The following MLF2 variants were observed in gnomAD, a reference collection of about 807,000 sequenced individuals.
The protein encoded by MLF2 is myelodysplasia-myeloid leukemia factor 2.
A neutral mutation model predicts 31.4 loss-of-function variants in MLF2; 12 were observed. The ratio of observed to expected loss-of-function variants is 0.38; its 90% confidence interval spans 0.24 to 0.62. MLF2 has a LOEUF of 0.62. MLF2 is among the 20% of genes least tolerant of loss of function. MLF2 has a pLI of 0.58. For synonymous variants in MLF2, 109 were observed against 118.8 expected, an observed-to-expected ratio of 0.92 and a Z score of 0.54; for missense variants, 272 against 359.7, an observed-to-expected ratio of 0.76 and a Z score of 1.97.
Position 6,749,742 on chromosome 12 carries a change from A to AT in MLF2, c.559+105dup, listed in dbSNP as rs1371616656. On this transcript the variant is annotated intron_variant, in intron 7 of 8. Coordinates refer to ENST00000203630, the MANE Select transcript of MLF2 (RefSeq NM_001382226.1). The surrounding 1 kb of genome is among the most constrained non-coding windows in gnomAD (Gnocchi z 5.3). ...CCATCTCAAAAAAAAAAAAAAAGGAATATGGGGCTGACCCAGAGCTTTGCC... is the reference window on the plus strand; with the variant it reads ...CCATCTCAAAAAAAAAAAAAAAGGAATTATGGGGCTGACCCAGAGCTTTGCC... The AT allele has an allele frequency of 7.1e-7, 1 of 1,414,748 alleles. No individual in the cohort carries two copies. The highest frequency in any genetic ancestry group is 1.5e-5 in the African/African-American group (1 of 68,406). The allele number at this position is 1,414,748 out of a possible 1,614,324, so 87.6% of individuals were successfully genotyped here.
chr12:6,750,012 G>A lies in MLF2; in HGVS notation c.400-5C>T, dbSNP rs768279658. The A allele has an allele frequency of 1.2e-6, 2 of 1,614,018 alleles. No homozygotes were observed. The highest frequency in any genetic ancestry group is 1.1e-5 in the South Asian group (1 of 91,086). ...AGTCCTCCGTGTCTCCCGGATCTGGGATGAGGCAGAACGTGGCACACTCAG... is the reference window on the plus strand; with the variant it reads ...AGTCCTCCGTGTCTCCCGGATCTGGAATGAGGCAGAACGTGGCACACTCAG... On this transcript the variant is annotated splice_region_variant and splice_polypyrimidine_tract_variant and intron_variant, in intron 6 of 8. Coordinates refer to ENST00000203630, the MANE Select transcript of MLF2 (RefSeq NM_001382226.1). The surrounding 1 kb of genome is among the most constrained non-coding windows in gnomAD (Gnocchi z 5.3).
chr12:6,752,383 A>C lies in MLF2; in HGVS notation c.-28-21T>G. Reference sequence around the variant, plus strand: ...CCACACTGGAAAGATATGGAAGCTCAGATACTTGGAGGTGGCCAGGGTTTT... The same window carrying C: ...CCACACTGGAAAGATATGGAAGCTCCGATACTTGGAGGTGGCCAGGGTTTT... On this transcript the variant is annotated intron_variant, in intron 1 of 8. Transcript: ENST00000203630. The surrounding 1 kb of genome is among the most constrained non-coding windows in gnomAD (Gnocchi z 4.6). The C allele has an allele frequency of 8.5e-5, 130 of 1,538,038 alleles. No homozygotes were observed. The highest frequency in any genetic ancestry group is 1.7e-4 in the Middle Eastern group (1 of 5,934).
At position 6,749,334 on chromosome 12, in the gene MLF2, T is replaced by G. The variant is rs2137779257; in HGVS notation, c.560-352A>C. On this transcript the variant is annotated intron_variant, in intron 7 of 8. Coordinates refer to ENST00000203630, the MANE Select transcript of MLF2 (RefSeq NM_001382226.1). This position sits in a 1 kb window ranked among gnomAD's most constrained non-coding sequence, Gnocchi z 5.3. The stretch of plus-strand genomic sequence containing the variant: ...GGGTGTAACACTATCAATACGGAAC[T>G]TCAGGGACAAAGTAGGCCCCTCACA... Among the ~76,000 whole-genome samples the G allele has an allele frequency of 6.6e-6, 1 of 152,300 alleles. No individual in the cohort carries two copies. Among genetic ancestry groups the G allele is most frequent in the African/African-American group, 2.4e-5 (1 of 41,568 alleles).
At position 6,752,525 on chromosome 12, in the gene MLF2, G is replaced by C. The variant is rs1020379329; in HGVS notation, c.-28-163C>G. On this transcript the variant is annotated intron_variant, in intron 1 of 8. Coordinates refer to ENST00000203630, the MANE Select transcript of MLF2 (RefSeq NM_001382226.1). The surrounding 1 kb of genome is among the most constrained non-coding windows in gnomAD (Gnocchi z 4.6). ...TGTTCCACACAACCCTCTAGGGAGGGAAGGGCTCTTCAAACCTCTTTCTCA... is the reference window on the plus strand; with the variant it reads ...TGTTCCACACAACCCTCTAGGGAGGCAAGGGCTCTTCAAACCTCTTTCTCA... 5.1e-6 allele frequency: 3 copies of C among 587,674 alleles called. No individual in the cohort carries two copies. Among genetic ancestry groups the C allele is most frequent in the Non-Finnish European group, 8.8e-6 (3 of 339,506 alleles). 36.4% of individuals were successfully genotyped at this position (587,674 alleles called of 1,614,324 possible).
intron 3 of MLF2, 104 bp downstream of exon 3, chr12:6,751,821 G>A: frequency 1.4e-5 from 22 of 1,572,958 alleles, no homozygotes; most frequent in Middle Eastern, 1.7e-4. Flanking sequence ...CCAACTCCTA[G>A]AGCATTTCAC....
chr12:6,749,989 T>A lies in MLF2; in HGVS notation c.418A>T (p.Thr140Ser). 3 of 1,614,120 alleles carry A rather than the reference T, an allele frequency of 1.9e-6. No homozygotes were observed. The highest frequency in any genetic ancestry group is 1.7e-5 in the Admixed American group (1 of 60,006). The change falls in exon 7 of 9, where the codon ACT becomes TCT. Residue 140 changes from threonine to serine, a missense_variant. Transcript: ENST00000203630. The surrounding 1 kb of genome is among the most constrained non-coding windows in gnomAD (Gnocchi z 5.3). ...APGGIRETRR[T>S]VRDSDSGLEQ... Reference sequence around the variant, plus strand: ...AGTCCACTGTCTGAATCCCGAACAGTCCTCCGTGTCTCCCGGATCTGGGAT... The same window carrying A: ...AGTCCACTGTCTGAATCCCGAACAGACCTCCGTGTCTCCCGGATCTGGGAT...
Position 6,750,078 on chromosome 12 carries a change from ACAC to A in MLF2, c.400-74_400-72del. The A allele has an allele frequency of 1.2e-6, 2 of 1,611,588 alleles. No homozygotes were observed. The highest frequency in any genetic ancestry group is 3.3e-5 in the Admixed American group (2 of 59,954). ...CCCTGCCTATACCATCTCAGGATAAACACACCACACACAACCCAATCCGGAAAA... is the reference window on the plus strand; with the variant it reads ...CCCTGCCTATACCATCTCAGGATAAAACCACACACAACCCAATCCGGAAAA... On this transcript the variant is annotated intron_variant, in intron 6 of 8. Transcript: ENST00000203630. The surrounding 1 kb of genome is among the most constrained non-coding windows in gnomAD (Gnocchi z 5.3).
Position 6,752,407 on chromosome 12 carries a change from T to C in MLF2, c.-28-45A>G. 6.8e-7 allele frequency: 1 copy of C among 1,468,266 alleles called. No homozygotes were observed. Among genetic ancestry groups the C allele is most frequent in the Non-Finnish European group, 9.3e-7 (1 of 1,072,950 alleles). The allele number at this position is 1,468,266 out of a possible 1,614,324, so 91.0% of individuals were successfully genotyped here. A position where few individuals can be genotyped will look rare whatever the true frequency, so the allele number is the denominator to read the frequency against. ...CAGATACTTGGAGGTGGCCAGGGTT[T>C]TGCACACCCACTCAGTGTGGGGACT... On this transcript the variant is annotated intron_variant, in intron 1 of 8. Coordinates refer to ENST00000203630, the MANE Select transcript of MLF2 (RefSeq NM_001382226.1). The surrounding 1 kb of genome is among the most constrained non-coding windows in gnomAD (Gnocchi z 4.6).
At position 6,748,950 on chromosome 12, in the gene MLF2, G is replaced by A. The variant is rs1199547583; in HGVS notation, c.592C>T (p.Arg198Trp). ...EAAAFDDEWR[R>W]ETSRFRQQRP... Reference sequence around the variant, plus strand: ...TGCTGCCGGAATCGGGAGGTCTCCCGCCGCCACTCGTCATCAAACGCTGCG... The same window carrying A: ...TGCTGCCGGAATCGGGAGGTCTCCCACCGCCACTCGTCATCAAACGCTGCG... Residue 198 changes from arginine (R) to tryptophan (W), a missense_variant, in exon 8 of 9, where the codon CGG (arginine) becomes TGG (tryptophan). By Grantham distance (101) the Arg-to-Trp change is moderately radical (BLOSUM62 -3). Coordinates refer to ENST00000203630, the MANE Select transcript of MLF2 (RefSeq NM_001382226.1). The surrounding 1 kb of genome is among the most constrained non-coding windows in gnomAD (Gnocchi z 4.6). 8 of 1,600,646 alleles carry A rather than the reference G, an allele frequency of 5.0e-6. No individual in the cohort carries two copies. The highest frequency in any genetic ancestry group is 3.4e-5 in the Admixed American group (2 of 58,576).
chr12:6,752,271 G>A lies in MLF2; in HGVS notation c.50+14C>T, dbSNP rs1476991944. Reference sequence around the variant, plus strand: ...ACCTGGAGTGGGAGAGCTTGAGGGGGAGGGAATACTCACATCAGGAACATG... The same window carrying A: ...ACCTGGAGTGGGAGAGCTTGAGGGGAAGGGAATACTCACATCAGGAACATG... On this transcript the variant is annotated intron_variant, in intron 2 of 8. Coordinates refer to ENST00000203630, the MANE Select transcript of MLF2 (RefSeq NM_001382226.1). The surrounding 1 kb of genome is among the most constrained non-coding windows in gnomAD (Gnocchi z 4.6). 5.1e-6 allele frequency: 8 copies of A among 1,559,726 alleles called. No individual in the cohort carries two copies. Among genetic ancestry groups the A allele is most frequent in the Non-Finnish European group, 7.0e-6 (8 of 1,150,980 alleles).
Position 6,750,743 on chromosome 12 carries a change from A to G in MLF2, c.240T>C (p.Phe80=), listed in dbSNP as rs748545998. 3.0e-5 allele frequency: 49 copies of G among 1,614,016 alleles called. No individual in the cohort carries two copies. The highest frequency in any genetic ancestry group is 1.7e-6 in the Non-Finnish European group (2 of 1,180,026). ...TTCCAATCATGTCATTCATCATCCC[A>G]AACATGTCCATGAAACCACCCGACT... ...LGMSGGFMDM[F]GMMNDMIGNM... Residue 80 remains phenylalanine (F), a synonymous_variant, in exon 5 of 9, where the codon TTT becomes TTC. Coordinates refer to ENST00000203630, the MANE Select transcript of MLF2 (RefSeq NM_001382226.1). The surrounding 1 kb of genome is among the most constrained non-coding windows in gnomAD (Gnocchi z 5.3).
chr12:6,750,444 T>C lies in MLF2; in HGVS notation c.271-139A>G, dbSNP rs985594016. The C allele has an allele frequency of 1.3e-5, 16 of 1,204,796 alleles. No individual in the cohort carries two copies. Among genetic ancestry groups the C allele is most frequent in the East Asian group, 4.8e-5 (2 of 41,430 alleles). The allele number at this position is 1,204,796 out of a possible 1,614,324, so 74.6% of individuals were successfully genotyped here. On this transcript the variant is annotated intron_variant, in intron 5 of 8. Transcript: ENST00000203630. This position sits in a 1 kb window ranked among gnomAD's most constrained non-coding sequence, Gnocchi z 5.3. ...CTGAAAAAACATCAGGCCTCATCAT[T>C]ACCCTCCCAAATTCCTCTGAGTCCA...
In MLF2 at chr12:6,751,979, G is replaced by A; in HGVS notation, c.126C>T (p.Ser42=). 6.2e-7 allele frequency: 1 copy of A among 1,614,238 alleles called. No individual in the cohort carries two copies. Among genetic ancestry groups the A allele is most frequent in the Non-Finnish European group, 8.5e-7 (1 of 1,180,050 alleles). ...TCCCTGGCATGTTGCCATCTGTGAT[G>A]CTGAGGAAGGGGCTATATCCAAAGC... ...SGGFGYSPFL[S]ITDGNMPGTR... Residue 42 remains serine, a synonymous_variant, in exon 3 of 9, where the codon AGC becomes AGT. Coordinates refer to ENST00000203630, the MANE Select transcript of MLF2 (RefSeq NM_001382226.1).
chr12:6,750,685 C>G lies in MLF2; in HGVS notation c.270+28G>C. 1 of 1,611,632 alleles carries G rather than the reference C, an allele frequency of 6.2e-7. No homozygotes were observed. Among genetic ancestry groups the G allele is most frequent in the East Asian group, 2.2e-5 (1 of 44,876 alleles). On this transcript the variant is annotated intron_variant, in intron 5 of 8. Transcript: ENST00000203630. This position sits in a 1 kb window ranked among gnomAD's most constrained non-coding sequence, Gnocchi z 5.3. ...TTGTCAGCCATCACTGAGAGCAAGG[C>G]CGGGGAAGGGTATGGGGCAAGTCTC...
chr12:6,751,532 A>C, intron 4 of MLF2, 109 bp downstream of exon 4: 1 of 1,265,160 alleles, frequency 7.9e-7, no homozygotes, highest in Non-Finnish European at 1.1e-6. Context: ...TAAAAAGAGA[A>C]GATTCTGGGG....
rs1344534345 is a variant in MLF2 at position 6,752,136 on chromosome 12, A to G, written c.51-82T>C. On this transcript the variant is annotated intron_variant, in intron 2 of 8. Transcript: ENST00000203630. This position sits in a 1 kb window ranked among gnomAD's most constrained non-coding sequence, Gnocchi z 4.6. ...CCACCCTGCAAAAAAATACGCACAG[A>G]GCAACAGTGGCACCGATGCCTACTT... 4 of 1,597,294 alleles carry G rather than the reference A, an allele frequency of 2.5e-6. No individual in the cohort carries two copies. The highest frequency in any genetic ancestry group is 3.4e-6 in the Non-Finnish European group (4 of 1,168,166).
chr12:6,750,325 G>A lies in MLF2; in HGVS notation c.271-20C>T, dbSNP rs770029711. On this transcript the variant is annotated intron_variant, in intron 5 of 8. Transcript: ENST00000203630. This position sits in a 1 kb window ranked among gnomAD's most constrained non-coding sequence, Gnocchi z 5.3. Reference sequence around the variant, plus strand: ...GTGTTCCTGAGGACAGGGTAGGTAGGGGAGGGCTGAATGGGGAGGCATCAC... The same window carrying A: ...GTGTTCCTGAGGACAGGGTAGGTAGAGGAGGGCTGAATGGGGAGGCATCAC... The A allele has an allele frequency of 1.9e-6, 3 of 1,612,240 alleles. No individual in the cohort carries two copies. Among genetic ancestry groups the A allele is most frequent in the South Asian group, 2.2e-5 (2 of 90,908 alleles).
At position 6,752,085 on chromosome 12, in the gene MLF2, G is replaced by A; in HGVS notation, c.51-31C>T. 6.2e-7 allele frequency: 1 copy of A among 1,613,572 alleles called. No homozygotes were observed. The highest frequency in any genetic ancestry group is 8.5e-7 in the Non-Finnish European group (1 of 1,179,614). On this transcript the variant is annotated intron_variant, in intron 2 of 8. Coordinates refer to ENST00000203630, the MANE Select transcript of MLF2 (RefSeq NM_001382226.1). The surrounding 1 kb of genome is among the most constrained non-coding windows in gnomAD (Gnocchi z 4.6). ...GAGTGAGCACATAGTATGGATGGCAGAAGCGCCAAACTGTCAATCCCTCCA... is the reference window on the plus strand; with the variant it reads ...GAGTGAGCACATAGTATGGATGGCAAAAGCGCCAAACTGTCAATCCCTCCA...
chr12:6,749,488 G>A lies in MLF2; in HGVS notation c.559+360C>T, dbSNP rs181153768. On this transcript the variant is annotated intron_variant, in intron 7 of 8. Coordinates refer to ENST00000203630, the MANE Select transcript of MLF2 (RefSeq NM_001382226.1). The surrounding 1 kb of genome is among the most constrained non-coding windows in gnomAD (Gnocchi z 5.3). ...GCACTTTGGGAGGCCAACGGTCGGT[G>A]GGTGGATCACAAGGTCAGGAGTTCG... 1.7e-3 allele frequency among the ~76,000 whole-genome samples: 264 copies of A among 152,328 alleles called. 1 individual carries two copies. The highest frequency in any genetic ancestry group is 6.1e-3 in the African/African-American group (252 of 41,562).
Sources: gnomAD v4.1 joint callset for allele counts (sites outside exome capture counted in the v4.1 genomes callset) on GRCh38, gnomAD v4.1.1 for gene constraint, Gnocchi (gnomAD v3.1) non-coding constraint, MANE v1.5 for transcripts, NCBI Gene and HGNC (gene_info 2026-07-23, HGNC 2026-07-21) for gene names.